IL5RA: variants seen among roughly 807,000 people sequenced by gnomAD.
IL5RA encodes the protein interleukin-5 receptor subunit alpha.
A neutral mutation model predicts 50.0 loss-of-function variants in IL5RA; 49 were observed. The ratio of observed to expected loss-of-function variants is 0.98; its 90% CI spans 0.78 to 1.24. The LOEUF (loss-of-function observed/expected upper bound fraction) is 1.24. Among genes scored for constraint, IL5RA ranks in the 50% most tolerant of loss-of-function variants. The pLI is 0.00. For missense variants in IL5RA, 600 were observed against 500.4 expected (o/e 1.20, Z -1.90); for synonymous variants, 202 against 174.0 (o/e 1.16, Z -1.26).
At chr3:3,098,363 A>T in intron 5 of IL5RA, 73 bp from the exon 6 acceptor site, 1 of 1,355,646 alleles carries the variant, frequency 7.4e-7, no homozygotes, top group African/African-American at 1.4e-5. Context: ...TTTTGGAACT[A>T]TAGTGATGTG....
intron 9 of IL5RA, among the ~76,000 whole-genome samples, chr3:3,077,390 G>A (rs1370616608): frequency 6.6e-6 from 1 of 152,182 alleles, no homozygotes; most frequent in African/African-American, 2.4e-5. Context: ...CCGTGTTGGT[G>A]TGCTGCACCC....
chr3:3,081,695 A>G (rs1024963677), intron 9 of IL5RA, among the ~76,000 whole-genome samples: 2 of 152,188 alleles, frequency 1.3e-5, no homozygotes, highest in Admixed American at 1.3e-4. Flanking sequence ...TTCAGCCCTC[A>G]CTTTGATAAG....
chr3:3,104,970 C>G lies in IL5RA; in HGVS notation c.15G>C (p.Ala5=), dbSNP rs373522108. 1.9e-5 allele frequency: 30 copies of G among 1,610,660 alleles called. No individual in the cohort carries two copies. The Admixed American group carries it at 4.5e-4, about 24-fold the overall frequency. MIIV[A]HVLLILLGAT... is the part of the protein sequence containing the mutation. ...CCCCCAAAAGGATGAGTAATACATG[C>G]GCCACGATGATCATATCCTACAGAA... The change falls in exon 3 of 12, where the codon GCG becomes GCC. Residue 5 remains alanine (A), a synonymous_variant. Transcript: ENST00000446632.
chr3:3,087,612 C>G (rs1702922409), intron 9 of IL5RA, among the ~76,000 whole-genome samples: 1 of 136,574 alleles, frequency 7.3e-6, no homozygotes, highest in Non-Finnish European at 1.5e-5. Context: ...ATCTCAGGAC[C>G]TCCATTTTCT....
intron 2 of IL5RA, chr3:3,105,624 T>TCCCCCCCC (rs3214846): frequency 1.4e-5 from 2 of 139,754 alleles, no homozygotes; most frequent in African/African-American, 2.7e-5. Context: ...TTTGTTTTGT[T>TCCCCCCCC]CCCCCCCCCA....
chr3:3,081,843 T>C (rs972054386), intron 9 of IL5RA, among the ~76,000 whole-genome samples: 1 of 152,160 alleles, frequency 6.6e-6, no homozygotes, highest in African/African-American at 2.4e-5. Flanking sequence ...AGGTGGCACA[T>C]TAGTCATTTC....
intron 11 of IL5RA, among the ~76,000 whole-genome samples, chr3:3,072,668 C>T (rs889454742): frequency 1.3e-5 from 2 of 152,148 alleles, no homozygotes; most frequent in African/African-American, 4.8e-5. Flanking sequence ...GCCTGTAATC[C>T]CAGCACTTTG....
chr3:3,108,050 C>A (rs570054301), intron 2 of IL5RA, among the ~76,000 whole-genome samples: 1 of 152,140 alleles, frequency 6.6e-6, no homozygotes, highest in African/African-American at 2.4e-5. Flanking sequence ...CAGACTCAAC[C>A]TTAGTGGCAG....
At chr3:3,072,445 A>G (rs767531344) in intron 11 of IL5RA, among the ~76,000 whole-genome samples, 2 of 152,238 alleles carry the variant, frequency 1.3e-5, no homozygotes, top group Non-Finnish European at 2.9e-5. Context: ...GTTATTTTAC[A>G]CACATGACTT....
intron 9 of IL5RA, among the ~76,000 whole-genome samples, chr3:3,077,598 A>G (rs1403100304): frequency 2.6e-5 from 4 of 152,146 alleles, no homozygotes; most frequent in Non-Finnish European, 4.4e-5. Flanking sequence ...GTGAAATCCC[A>G]TCTCTACTAA....
chr3:3,075,681 G>A (rs1175107982), intron 10 of IL5RA, among the ~76,000 whole-genome samples: 1 of 150,424 alleles, frequency 6.6e-6, no homozygotes, highest in Non-Finnish European at 1.5e-5. Context: ...GCTCACTATA[G>A]CCTCCAACTC....
Position 3,104,956 on chromosome 3 carries a change from ATGAG to A in IL5RA, c.25_28del (p.Leu9SerfsTer54). ...CAGTATCTCAGTGGCCCCCAAAAGG[ATGAG>A]TAATACATGCGCCACGATGATCATA... On this transcript the variant is annotated frameshift_variant, in exon 3 of 12. Coordinates refer to ENST00000446632, the MANE Select transcript of IL5RA (RefSeq NM_175726.4). LOFTEE classifies it high-confidence loss of function. The A allele has an allele frequency of 3.1e-6, 5 of 1,613,174 alleles. No homozygotes were observed. The highest frequency in any genetic ancestry group is 4.2e-6 in the Non-Finnish European group (5 of 1,179,224).
intron 11 of IL5RA, among the ~76,000 whole-genome samples, chr3:3,070,575 C>CTTTTTTTTTTTTTT (rs71058670): frequency 2.4e-5 from 2 of 84,902 alleles, no homozygotes; most frequent in Admixed American, 1.4e-4. Flanking sequence ...GGATACACAT[C>CTTTTTTTTTTTTTT]TTTTTTTTTT....
chr3:3,090,080 A>T, intron 9 of IL5RA: 1 of 853,064 alleles, frequency 1.2e-6, no homozygotes, highest in African/African-American at 1.7e-5. Flanking sequence ...TAAGCCAATT[A>T]CCTAAACTTT....
intron 11 of IL5RA, among the ~76,000 whole-genome samples, chr3:3,072,290 T>C: frequency 6.6e-6 from 1 of 152,252 alleles, no homozygotes. Context: ...TGCTCTTTCT[T>C]TCTTCTCTCA....
intron 9 of IL5RA, chr3:3,090,312 G>GA: frequency 1.6e-6 from 2 of 1,272,492 alleles, no homozygotes; most frequent in Non-Finnish European, 2.2e-6. Flanking sequence ...CCTTGTAAAG[G>GA]CTGAATGTTA....
At position 3,097,829 on chromosome 3, in the gene IL5RA, C is replaced by T. The variant is rs574599197; in HGVS notation, c.709+41G>A. 22 of 1,580,424 alleles carry T rather than the reference C, an allele frequency of 1.4e-5. 1 individual carries two copies. The highest frequency in any genetic ancestry group is 5.7e-5 in the South Asian group (5 of 87,350). ...ACCCTTCCTTCCAGTGCTGAGATTC[C>T]GAGATTCAGTTATTTCAGCTTTGGG... is the stretch of plus-strand genomic sequence containing the variant. On this transcript the variant is annotated intron_variant, in intron 7 of 11. Coordinates refer to ENST00000446632, the MANE Select transcript of IL5RA (RefSeq NM_175726.4).
chr3:3,071,757 T>C (rs976710394), intron 11 of IL5RA, among the ~76,000 whole-genome samples: 3 of 152,046 alleles, frequency 2.0e-5, no homozygotes, highest in African/African-American at 7.2e-5. Flanking sequence ...GCCTGAGTAA[T>C]TTTTGTATTT....
chr3:3,100,375 A>G lies in IL5RA; in HGVS notation c.367+1317T>C, dbSNP rs564598367. Among the ~76,000 whole-genome samples, 4 of 152,284 alleles carry G rather than the reference A, an allele frequency of 2.6e-5. No individual in the cohort carries two copies. The East Asian group carries it at 7.7e-4, about 29-fold the overall frequency. Reference sequence around the variant, plus strand: ...TTTTGCACAGACAAAAAGAAGAACTACCTCAAAGCAAATTGACTTATTCAG... The same window carrying G: ...TTTTGCACAGACAAAAAGAAGAACTGCCTCAAAGCAAATTGACTTATTCAG... On this transcript the variant is annotated intron_variant, in intron 5 of 11. Transcript: ENST00000446632.
Sources: allele counts gnomAD v4.1 joint callset (sites outside exome capture counted in the v4.1 genomes callset), GRCh38; gene constraint gnomAD v4.1.1; transcripts MANE v1.5; gene names NCBI Gene and HGNC (gene_info 2026-07-23, HGNC 2026-07-21).